The following KCNQ5 variants were observed in gnomAD, a reference collection of about 807,000 sequenced individuals.
KCNQ5 encodes potassium voltage-gated channel subfamily KQT member 5.
A neutral mutation model predicts 98.2 loss-of-function variants in KCNQ5; 30 were observed. The observed-to-expected ratio is 0.31, with a 90% CI of 0.23 to 0.41. KCNQ5 has a LOEUF of 0.41. KCNQ5 is among the 10% of genes least tolerant of loss of function. The pLI is 1.00. For synonymous variants in KCNQ5, 458 were observed against 449.4 expected (o/e 1.02, Z -0.24); for missense variants, 835 against 1,182.5 (o/e 0.71, Z 4.31).
rs375863272 is a variant in KCNQ5, at chr6:72,739,745, C to T, written c.398+117158C>T. ...TTAGGACTGAGGAACTGTTAATTCCCACAGCAGCTCTACTGACTATTCGAT... is the reference window on the plus strand; with the variant it reads ...TTAGGACTGAGGAACTGTTAATTCCTACAGCAGCTCTACTGACTATTCGAT... On this transcript the variant is annotated intron_variant, in intron 1 of 13. Coordinates refer to ENST00000370398, the MANE Select transcript of KCNQ5 (RefSeq NM_019842.4). 2.6e-5 allele frequency among the ~76,000 whole-genome samples: 4 copies of T among 152,176 alleles called. No homozygotes were observed. In the East Asian group the frequency reaches 7.7e-4, roughly 29 times the overall value.
chr6:73,068,454 G>A (rs1355818317), intron 3 of KCNQ5, among the ~76,000 whole-genome samples: 1 of 151,958 alleles, frequency 6.6e-6, no homozygotes, highest in Admixed American at 6.6e-5. Context: ...TCGCATTTGT[G>A]GTAATAATAA....
chr6:72,704,955 C>G (rs1768997737), intron 1 of KCNQ5, among the ~76,000 whole-genome samples: 1 of 152,172 alleles, frequency 6.6e-6, no homozygotes, highest in Admixed American at 6.5e-5. Flanking sequence ...AATAGCTTAG[C>G]CCACCTTTCA....
At chr6:72,838,730 C>T (rs1425503101) in intron 1 of KCNQ5, among the ~76,000 whole-genome samples, 1 of 151,534 alleles carries the variant, frequency 6.6e-6, no homozygotes, top group East Asian at 1.9e-4. Flanking sequence ...GCGGGCGGAT[C>T]ACGAGGTCAG....
At chr6:72,643,928 A>G (rs73756004) in intron 1 of KCNQ5, among the ~76,000 whole-genome samples, 12 of 152,320 alleles carry the variant, frequency 7.9e-5, no homozygotes, top group African/African-American at 2.2e-4. Context: ...AGTTAAATCA[A>G]TGATGGCAAA....
At chr6:72,774,914 T>G (rs1218458422) in intron 1 of KCNQ5, among the ~76,000 whole-genome samples, 1 of 152,170 alleles carries the variant, frequency 6.6e-6, no homozygotes, top group Non-Finnish European at 1.5e-5. Context: ...AACTGCATTA[T>G]CTACTTGAGG....
At chr6:72,842,399 A>G (rs1412557505) in intron 1 of KCNQ5, among the ~76,000 whole-genome samples, 1 of 152,224 alleles carries the variant, frequency 6.6e-6, no homozygotes, top group African/African-American at 2.4e-5. Flanking sequence ...CTGCATGCAT[A>G]CATGGTGCTC....
At chr6:73,177,141 A>G (rs1778242699) in intron 11 of KCNQ5, among the ~76,000 whole-genome samples, 1 of 152,112 alleles carries the variant, frequency 6.6e-6, no homozygotes, top group African/African-American at 2.4e-5. Flanking sequence ...CAAAGAAGAT[A>G]AAGAGTGAGA....
At chr6:72,677,872 C>CA (rs751628086) in intron 1 of KCNQ5, among the ~76,000 whole-genome samples, 24 of 152,146 alleles carry the variant, frequency 1.6e-4, no homozygotes, top group Admixed American at 3.9e-4. Flanking sequence ...TGATGGATAC[C>CA]ACATGTCTTA....
chr6:73,042,821 A>T (rs1771773479), intron 3 of KCNQ5, among the ~76,000 whole-genome samples: 1 of 152,204 alleles, frequency 6.6e-6, no homozygotes, highest in Non-Finnish European at 1.5e-5. Context: ...AGTAATATTT[A>T]AAAGTATTAT....
chr6:72,900,307 C>CAT (rs150322921), intron 1 of KCNQ5, among the ~76,000 whole-genome samples: 32 of 149,402 alleles, frequency 2.1e-4, no homozygotes, highest in Admixed American at 4.7e-4. Context: ...TGTCTGAGTA[C>CAT]ATATATATAT....
intron 2 of KCNQ5, among the ~76,000 whole-genome samples, chr6:73,027,830 T>C (rs1293616153): frequency 6.6e-6 from 1 of 152,200 alleles, no homozygotes; most frequent in Non-Finnish European, 1.5e-5. Flanking sequence ...ATTAGTGTTC[T>C]GGAAGAAGAT....
At chr6:72,645,057 C>T (rs569229904) in intron 1 of KCNQ5, among the ~76,000 whole-genome samples, 1 of 151,938 alleles carries the variant, frequency 6.6e-6, no homozygotes, top group African/African-American at 2.4e-5. Flanking sequence ...ACTTTGGGTA[C>T]CTTTTGTCTG....
chr6:73,075,428 G>C (rs571978981), intron 3 of KCNQ5, among the ~76,000 whole-genome samples: 1 of 151,852 alleles, frequency 6.6e-6, no homozygotes, highest in African/African-American at 2.4e-5. Context: ...TCACCATGTT[G>C]GCCAGGATGG....
intron 1 of KCNQ5, among the ~76,000 whole-genome samples, chr6:72,785,460 C>G (rs764364169): frequency 1.3e-5 from 2 of 151,912 alleles, no homozygotes; most frequent in Non-Finnish European, 2.9e-5. Flanking sequence ...ACCAGCCTGT[C>G]CAACATAGTG....
chr6:73,008,909 T>C (rs1303930945), intron 2 of KCNQ5, among the ~76,000 whole-genome samples: 1 of 152,222 alleles, frequency 6.6e-6, no homozygotes, highest in African/African-American at 2.4e-5. Flanking sequence ...CAAAGTATTT[T>C]TTCCAACCAC....
chr6:72,988,242 C>A lies in KCNQ5; in HGVS notation c.399-15666C>A, dbSNP rs191521465. On this transcript the variant is annotated intron_variant, in intron 1 of 13. Transcript: ENST00000370398. ...ATTATGAAATGGGTGCTATTATTAT[C>A]CGCATCTTATAGATGAGGCAAAGGA... 6.6e-5 allele frequency among the ~76,000 whole-genome samples: 10 copies of A among 152,252 alleles called. No homozygotes were observed. In the East Asian group the frequency reaches 1.7e-3, roughly 26 times the overall value.
rs1001495634 is a variant in KCNQ5 at position 73,120,637 on chromosome 6, C to T, written c.1220+60C>T. 7.4e-6 allele frequency: 8 copies of T among 1,074,530 alleles called. No homozygotes were observed. In the Admixed American group the frequency reaches 1.5e-4, roughly 20 times the overall value. The allele number at this position is 1,074,530 out of a possible 1,614,324, so 66.6% of individuals were successfully genotyped here. On this transcript the variant is annotated intron_variant, in intron 8 of 13. Coordinates refer to ENST00000370398, the MANE Select transcript of KCNQ5 (RefSeq NM_019842.4). ...AGTCTTTTCAAGTCTGTTAAACAAA[C>T]CATACCCACACACACAAAAAAAGGT...
chr6:73,006,045 A>G (rs1276900297), intron 2 of KCNQ5, among the ~76,000 whole-genome samples: 2 of 152,232 alleles, frequency 1.3e-5, no homozygotes, highest in African/African-American at 4.8e-5. Context: ...CAATGAATAA[A>G]TTAGGAAAGC....
chr6:72,764,603 G>T (rs1772469829), intron 1 of KCNQ5, among the ~76,000 whole-genome samples: 1 of 151,892 alleles, frequency 6.6e-6, no homozygotes, highest in South Asian at 2.1e-4. Context: ...TATCCATTGG[G>T]TTGCAAACAA....
Sources: allele counts gnomAD v4.1 joint callset (sites outside exome capture counted in the v4.1 genomes callset), GRCh38; gene constraint gnomAD v4.1.1; transcripts MANE v1.5; gene names NCBI Gene and HGNC (gene_info 2026-07-23, HGNC 2026-07-21).